OMA1: variants seen among roughly 807,000 people sequenced by gnomAD.
The protein encoded by OMA1 is OMA1 zinc metallopeptidase, also known as metalloendopeptidase OMA1, mitochondrial.
Under a neutral mutation model 30.9 loss-of-function variants are expected in OMA1, and 38 were observed. That is an observed-to-expected ratio of 1.23 (90% CI 0.95 to 1.61). The LOEUF is 1.61. OMA1 is among the 40% of genes most tolerant of loss of function. OMA1 has a pLI of 0.00. For synonymous variants in OMA1, 173 were observed against 121.9 expected, an observed-to-expected ratio of 1.42 and a Z score of -2.76; for missense variants, 461 against 349.2, an observed-to-expected ratio of 1.32 and a Z score of -2.55.
At chr1:58,536,024 T>A (rs191374456) in intron 3 of OMA1, among the ~76,000 whole-genome samples, 1 of 152,274 alleles carries the variant, frequency 6.6e-6, no homozygotes, top group East Asian at 1.9e-4. Context: ...CCATGAAGCT[T>A]AGTCTAACAA....
chr1:58,536,458 C>G (rs1396019630), intron 3 of OMA1, 55 bp downstream of exon 3: 1 of 759,884 alleles, frequency 1.3e-6, no homozygotes, highest in Admixed American at 2.2e-5. Flanking sequence ...AAGATACTTT[C>G]CTACTTTGAG....
intron 8 of OMA1, among the ~76,000 whole-genome samples, chr1:58,487,813 T>G (rs1351997442): frequency 2.0e-5 from 3 of 152,094 alleles, no homozygotes; most frequent in Admixed American, 2.0e-4. Flanking sequence ...ATACTTTAAT[T>G]ACTTCTGATT....
chr1:58,492,961 A>C (rs1026167179), intron 8 of OMA1, among the ~76,000 whole-genome samples: 17 of 151,958 alleles, frequency 1.1e-4, no homozygotes, highest in Admixed American at 9.8e-4. Context: ...GAGACACAAC[A>C]AAAAAAGAGA....
chr1:58,487,435 T>C (rs1030677925), intron 8 of OMA1, among the ~76,000 whole-genome samples: 3 of 152,236 alleles, frequency 2.0e-5, no homozygotes, highest in Admixed American at 6.5e-5. Context: ...TTTAAAGTTA[T>C]TGTTTTTATC....
intron 7 of OMA1, among the ~76,000 whole-genome samples, chr1:58,515,378 T>A (rs769469376): frequency 7.2e-5 from 11 of 152,194 alleles, no homozygotes. Flanking sequence ...ATTTTCTGCA[T>A]CTTTTGATTG....
chr1:58,492,928 C>T lies in OMA1; in HGVS notation c.1366-11754G>A, dbSNP rs569269913. Among the ~76,000 whole-genome samples the T allele has an allele frequency of 2.0e-5, 3 of 152,268 alleles. No homozygotes were observed. In the East Asian group the frequency reaches 5.8e-4, roughly 29 times the overall value. On this transcript the variant is annotated intron_variant, in intron 8 of 8. Transcript: ENST00000371226. ...CTAACTCATTTTATGAGGCCAGCAT[C>T]ATCCTGATACCAAAGCCTGGCAGAG...
chr1:58,528,992 A>G (rs1646392555), intron 6 of OMA1, among the ~76,000 whole-genome samples: 1 of 152,224 alleles, frequency 6.6e-6, no homozygotes, highest in Non-Finnish European at 1.5e-5. Flanking sequence ...TGCTGATTCC[A>G]TTATAAAAAA....
At chr1:58,541,990 A>G (rs1646631048) in intron 1 of OMA1, among the ~76,000 whole-genome samples, 1 of 152,204 alleles carries the variant, frequency 6.6e-6, no homozygotes, top group Admixed American at 6.5e-5. Flanking sequence ...AGCTAATACG[A>G]TATTATCTAG....
chr1:58,482,077 A>C (rs1264283190), intron 8 of OMA1, among the ~76,000 whole-genome samples: 1 of 152,230 alleles, frequency 6.6e-6, no homozygotes, highest in African/African-American at 2.4e-5. Context: ...ACAGTGTACT[A>C]TGGGGCTCAG....
intron 7 of OMA1, among the ~76,000 whole-genome samples, chr1:58,526,524 C>T (rs1254632521): frequency 2.7e-5 from 4 of 149,834 alleles, no homozygotes; most frequent in African/African-American, 9.9e-5. Context: ...AAATAGCTGC[C>T]AGGTGCCCTG....
intron 5 of OMA1, among the ~76,000 whole-genome samples, chr1:58,531,837 T>C (rs368450008): frequency 5.9e-5 from 9 of 152,078 alleles, no homozygotes; most frequent in African/African-American, 2.2e-4. Flanking sequence ...GCCTCCCGAG[T>C]ACCTGTGATT....
At chr1:58,487,198 A>G (rs1645590784) in intron 8 of OMA1, among the ~76,000 whole-genome samples, 1 of 152,230 alleles carries the variant, frequency 6.6e-6, no homozygotes, top group Non-Finnish European at 1.5e-5. Context: ...TGAGAAGCCC[A>G]CAGATTCTTA....
chr1:58,487,024 G>A (rs184392703), intron 8 of OMA1, among the ~76,000 whole-genome samples: 1 of 152,202 alleles, frequency 6.6e-6, no homozygotes, highest in South Asian at 2.1e-4. Flanking sequence ...TTTAACCAAG[G>A]AAAGGACATT....
intron 6 of OMA1, among the ~76,000 whole-genome samples, chr1:58,529,947 C>T (rs1373639318): frequency 6.6e-6 from 1 of 152,020 alleles, no homozygotes; most frequent in Non-Finnish European, 1.5e-5. Context: ...GTGGCGCAAT[C>T]TCGGCTCACA....
chr1:58,522,458 A>G (rs878927843), intron 7 of OMA1, among the ~76,000 whole-genome samples: 1 of 152,314 alleles, frequency 6.6e-6, no homozygotes, highest in South Asian at 2.1e-4. Context: ...CTTACAACAA[A>G]CATCATAATG....
chr1:58,506,234 C>T (rs1190502630), intron 7 of OMA1, 25 bp from the exon 8 acceptor site: 3 of 855,754 alleles, frequency 3.5e-6, no homozygotes, highest in Non-Finnish European at 6.1e-6. Flanking sequence ...AGTAAAACCA[C>T]ACAATGAGCT....
chr1:58,543,283 T>C lies in OMA1; in HGVS notation c.-17+3420A>G, dbSNP rs1211938248. Among the ~76,000 whole-genome samples, 3 of 152,218 alleles carry C rather than the reference T, an allele frequency of 2.0e-5. No homozygotes were observed. The East Asian group carries it at 5.8e-4, about 29-fold the overall frequency. On this transcript the variant is annotated intron_variant, in intron 1 of 8. Coordinates refer to ENST00000371226, the MANE Select transcript of OMA1 (RefSeq NM_145243.5). ...TTGTAAATTGACAGCATTTTAATATTATACATGTTGTTTACTGGAACTAGC... is the reference window on the plus strand; with the variant it reads ...TTGTAAATTGACAGCATTTTAATATCATACATGTTGTTTACTGGAACTAGC...
At chr1:58,508,192 T>C (rs1370883322) in intron 7 of OMA1, among the ~76,000 whole-genome samples, 1 of 152,166 alleles carries the variant, frequency 6.6e-6, no homozygotes, top group Non-Finnish European at 1.5e-5. Context: ...ATATCTACTT[T>C]AATGTTAAGA....
intron 8 of OMA1, among the ~76,000 whole-genome samples, chr1:58,491,617 A>G (rs1454019209): frequency 6.6e-6 from 1 of 152,194 alleles, no homozygotes; most frequent in Non-Finnish European, 1.5e-5. Flanking sequence ...TTGCAATCCT[A>G]GTCTCTGATA....
Sources: gnomAD v4.1 joint callset for allele counts (sites outside exome capture counted in the v4.1 genomes callset) on GRCh38, gnomAD v4.1.1 for gene constraint, MANE v1.5 for transcripts, NCBI Gene and HGNC (gene_info 2026-07-23, HGNC 2026-07-21) for gene names.